TDG: variants seen among roughly 807,000 people sequenced by gnomAD.
The protein encoded by TDG is thymine DNA glycosylase.
Under a neutral mutation model 46.1 loss-of-function variants are expected in TDG, and 23 were observed. The ratio of observed to expected loss-of-function variants is 0.50; its 90% CI spans 0.36 to 0.71. The LOEUF (loss-of-function observed/expected upper bound fraction) is 0.71. TDG is among the 30% of genes least tolerant of loss of function. TDG has a pLI of 0.00. For missense variants in TDG, 304 were observed against 486.7 expected (o/e 0.62, Z 3.53); for synonymous variants, 115 against 161.3 (o/e 0.71, Z 2.18).
chr12:103,988,013 T>C lies in TDG; in HGVS notation c.*923T>C, dbSNP rs1453958634. On this transcript the variant is annotated 3_prime_UTR_variant, in exon 10 of 10. Coordinates refer to ENST00000392872, the MANE Select transcript of TDG (RefSeq NM_003211.6). ...ATGTACTAAAATAAGTAATATAGAA[T>C]TTTTCTTGCTAGGTAAATCCAGTAA... is the stretch of plus-strand genomic sequence containing the variant. 70 of 152,808 alleles carry C rather than the reference T, an allele frequency of 4.6e-4. No individual in the cohort carries two copies. Among genetic ancestry groups the C allele is most frequent in the African/African-American group, 1.6e-3 (65 of 41,588 alleles). 9.5% of individuals were successfully genotyped at this position (152,808 alleles called of 1,614,324 possible). A position where few individuals can be genotyped will look rare whatever the true frequency, so the allele number is the denominator to read the frequency against.
chr12:103,966,115 T>A, intron 1 of TDG, 55 bp downstream of exon 1: 2 of 1,454,208 alleles, frequency 1.4e-6, no homozygotes, highest in Non-Finnish European at 1.8e-6. Context: ...CTGGGCAGGC[T>A]GGCTGGCGCG....
At chr12:103,983,011 T>C in intron 5 of TDG, 77 bp downstream of exon 5, 1 of 1,593,138 alleles carries the variant, frequency 6.3e-7, no homozygotes, top group South Asian at 1.1e-5. Flanking sequence ...GAACATCATA[T>C]GTATCTAGTT....
chr12:103,985,647 G>A lies in TDG; in HGVS notation c.1009G>A (p.Gly337Ser), dbSNP rs1459034372. The change falls in exon 9 of 10, where the codon GGT becomes AGT. Residue 337 changes from glycine (G) to serine (S), a missense_variant. By Grantham distance (56) the Gly-to-Ser change is moderately conservative. Coordinates refer to ENST00000392872, the MANE Select transcript of TDG (RefSeq NM_003211.6). ...TGTTAAGGAAGAAAAATATGATCCA[G>A]GTTATGAGGCAGCATATGGTGGTGC... ...MAVKEEKYDP[G>S]YEAAYGGAYG... 6.2e-7 allele frequency: 1 copy of A among 1,614,106 alleles called. No individual in the cohort carries two copies.
intron 1 of TDG, among the ~76,000 whole-genome samples, chr12:103,973,307 A>G (rs1265789992): frequency 6.6e-6 from 1 of 150,754 alleles, no homozygotes; most frequent in Non-Finnish European, 1.5e-5. Context: ...CTGGTCTTGA[A>G]CTCCTGACCT....
intron 1 of TDG, among the ~76,000 whole-genome samples, chr12:103,966,630 T>C (rs1566176106): frequency 6.8e-6 from 1 of 146,418 alleles, no homozygotes; most frequent in African/African-American, 2.5e-5. Context: ...GGGACGATCT[T>C]AAGAATCCGT....
At chr12:103,985,457 C>T (rs2136244048) in intron 8 of TDG, 146 bp from the exon 9 acceptor site, 1 of 912,274 alleles carries the variant, frequency 1.1e-6, no homozygotes, top group Non-Finnish European at 1.5e-6. Context: ...TTATTTAGTA[C>T]ATGCTATAAG....
Position 103,982,935 on chromosome 12 carries a change from G to A in TDG, c.614+1G>A, listed in dbSNP as rs773280526. The A allele has an allele frequency of 6.8e-6, 11 of 1,609,600 alleles. No homozygotes were observed. The Admixed American group carries it at 1.2e-4, about 17-fold the overall frequency. ...CGCCCGGCAGCAAAGATCTCTCCAG[G>A]TAAGTACACAGCATTTGCTTTTATG... On this transcript the variant is annotated splice_donor_variant, in intron 5 of 9. Transcript: ENST00000392872. LOFTEE classifies it high-confidence loss of function.
chr12:103,983,140 G>T lies in TDG; in HGVS notation c.619G>T (p.Glu207Ter). Residue 207 changes from glutamate (E) to a stop codon, truncating the protein, a stop_gained, in exon 6 of 10, where the codon GAA becomes TAA. Transcript: ENST00000392872. LOFTEE classifies it high-confidence loss of function. ...TACTTTTTAATTCAATTTTAGTAAA[G>T]AATTTCGTGAAGGAGGACGTATTCT... ...TPGSKDLSSK[E>*]FREGGRILVQ... 1 of 1,601,180 alleles carries T rather than the reference G, an allele frequency of 6.2e-7. No homozygotes were observed. The highest frequency in any genetic ancestry group is 8.5e-7 in the Non-Finnish European group (1 of 1,175,334).
At chr12:103,967,171 A>G (rs1871078768) in intron 1 of TDG, among the ~76,000 whole-genome samples, 1 of 152,228 alleles carries the variant, frequency 6.6e-6, no homozygotes, top group South Asian at 2.1e-4. Context: ...CCAAGAATAA[A>G]TTACACATTG....
At chr12:103,972,971 A>G (rs1199580553) in intron 1 of TDG, 8 of 701,808 alleles carry the variant, frequency 1.1e-5, no homozygotes, top group Middle Eastern at 2.3e-4. Flanking sequence ...TTGCATTTTC[A>G]TGAAGTGCTC....
In TDG at chr12:103,988,140, T is replaced by C. The variant is rs1215733299; in HGVS notation, c.*1050T>C. The C allele has an allele frequency of 6.5e-6, 1 of 152,700 alleles. No homozygotes were observed. Among genetic ancestry groups the C allele is most frequent in the African/African-American group, 2.4e-5 (1 of 41,488 alleles). 9.5% of individuals were successfully genotyped at this position (152,700 alleles called of 1,614,324 possible). ...TGAGGTGTATACCTTTGTGATTTTC[T>C]AATGAGTTTTCCATGGTGCTACAAA... is the stretch of plus-strand genomic sequence containing the variant. On this transcript the variant is annotated 3_prime_UTR_variant, in exon 10 of 10. Coordinates refer to ENST00000392872, the MANE Select transcript of TDG (RefSeq NM_003211.6).
rs1871105460 is a variant in TDG at position 103,967,646 on chromosome 12, AG to A, written c.23+1589del. On this transcript the variant is annotated intron_variant, in intron 1 of 9. Coordinates refer to ENST00000392872, the MANE Select transcript of TDG (RefSeq NM_003211.6). ...TAATTTTTGTATTTTTAGTAGAGAC[AG>A]GGTTTCACCATGTTGGCCAGGCTGG... Among the ~76,000 whole-genome samples, 14 of 151,864 alleles carry A rather than the reference AG, an allele frequency of 9.2e-5. No individual in the cohort carries two copies. The South Asian group carries it at 2.9e-3, about 32-fold the overall frequency.
chr12:103,971,567 A>T (rs560969935), intron 1 of TDG, among the ~76,000 whole-genome samples: 1 of 152,266 alleles, frequency 6.6e-6, no homozygotes, highest in Non-Finnish European at 1.5e-5. Context: ...AAAACCAAAC[A>T]AACAAAAAAC....
At chr12:103,973,478 G>C (rs190066050) in intron 1 of TDG, among the ~76,000 whole-genome samples, 1 of 152,072 alleles carries the variant, frequency 6.6e-6, no homozygotes, top group East Asian at 1.9e-4. Context: ...TTAGAATCTC[G>C]GGAAGCTGCC....
At chr12:103,972,865 G>C (rs1871344133) in intron 1 of TDG, 1 of 461,410 alleles carries the variant, frequency 2.2e-6, no homozygotes, top group East Asian at 3.4e-5. Flanking sequence ...GATGATTAAT[G>C]ACCTCCGACT....
chr12:103,973,076 C>T (rs1566178549), intron 1 of TDG: 15 of 612,890 alleles, frequency 2.4e-5, no homozygotes, highest in South Asian at 1.5e-4. Flanking sequence ...AGTAAAAACA[C>T]GTTTCATACA....
intron 4 of TDG, among the ~76,000 whole-genome samples, chr12:103,982,078 T>C (rs987933808): frequency 6.6e-6 from 1 of 152,200 alleles, no homozygotes; most frequent in Admixed American, 6.5e-5. Flanking sequence ...CTTCTCTATA[T>C]AAGTTGTCTT....
At chr12:103,966,103 T>G (rs775681707) in intron 1 of TDG, 43 bp downstream of exon 1, 30 of 1,506,676 alleles carry the variant, frequency 2.0e-5, no homozygotes, top group Non-Finnish European at 2.7e-5. Context: ...CGCCCCTCAC[T>G]GCTGGGCAGG....
intron 1 of TDG, among the ~76,000 whole-genome samples, chr12:103,966,376 G>A (rs1278088776): frequency 6.6e-6 from 1 of 152,150 alleles, no homozygotes; most frequent in Non-Finnish European, 1.5e-5. Context: ...TGCCATTCTT[G>A]GCTAGAAGGG....
Sources: allele counts gnomAD v4.1 joint callset (sites outside exome capture counted in the v4.1 genomes callset), GRCh38; gene constraint gnomAD v4.1.1; transcripts MANE v1.5; gene names NCBI Gene and HGNC (gene_info 2026-07-23, HGNC 2026-07-21).